The following NUSAP1 variants were observed in gnomAD, a reference collection of about 807,000 sequenced individuals.
NUSAP1 encodes the protein nucleolar and spindle associated protein 1.
A neutral mutation model predicts 52.8 loss-of-function variants in NUSAP1; 32 were observed. The observed-to-expected ratio is 0.61, with a 90% CI of 0.46 to 0.81. NUSAP1 has a LOEUF of 0.81. NUSAP1 is among the 40% of genes least tolerant of loss of function. The pLI is 0.00. For synonymous variants in NUSAP1, 195 were observed against 183.1 expected, an observed-to-expected ratio of 1.06 and a Z score of -0.52; for missense variants, 499 against 522.3, an observed-to-expected ratio of 0.96 and a Z score of 0.43.
chr15:41,375,565 C>T (rs2049893329), intron 8 of NUSAP1, 147 bp from the exon 9 acceptor site: 4 of 577,416 alleles, frequency 6.9e-6, no homozygotes, highest in Non-Finnish European at 1.3e-5. Context: ...CCCACCTCGG[C>T]CTCCCAAAGT....
intron 6 of NUSAP1, among the ~76,000 whole-genome samples, chr15:41,364,403 G>A (rs1164084769): frequency 6.6e-6 from 1 of 151,848 alleles, no homozygotes; most frequent in Non-Finnish European, 1.5e-5. Flanking sequence ...AAAATTAGTC[G>A]AGTGTGGTGG....
intron 2 of NUSAP1, among the ~76,000 whole-genome samples, chr15:41,347,025 A>T (rs901249906): frequency 4.6e-5 from 7 of 152,026 alleles, no homozygotes; most frequent in African/African-American, 1.7e-4. Flanking sequence ...TACAAAAATT[A>T]GCTGGGCATG....
intron 1 of NUSAP1, among the ~76,000 whole-genome samples, chr15:41,338,858 G>A (rs367575697): frequency 3.3e-5 from 5 of 151,796 alleles, no homozygotes; most frequent in Admixed American, 2.0e-4. Context: ...CCAACTACTC[G>A]GGAGGATGAG....
At chr15:41,378,754 G>C (rs1428477033) in intron 10 of NUSAP1, among the ~76,000 whole-genome samples, 1 of 151,766 alleles carries the variant, frequency 6.6e-6, no homozygotes, top group Non-Finnish European at 1.5e-5. Context: ...TGGGCAACAA[G>C]AGCAAAACTC....
chr15:41,351,512 A>G (rs1464964157), intron 4 of NUSAP1, among the ~76,000 whole-genome samples: 1 of 152,226 alleles, frequency 6.6e-6, no homozygotes. Context: ...TAGGCCAAGC[A>G]TAGTGGCTGG....
chr15:41,342,273 G>T, intron 1 of NUSAP1, 113 bp from the exon 2 acceptor site: 1 of 701,128 alleles, frequency 1.4e-6, no homozygotes, highest in East Asian at 2.8e-5. Context: ...AATGGTTCTA[G>T]TCCTATGGTC....
rs36124939 is a variant in NUSAP1, at chr15:41,349,234, A to G, written c.299A>G (p.Asp100Gly). ...RRCKTVRVDP[D>G]SQQNHSEIKI... ...TGCAAGACTGTCCGTGTGGACCCTG[A>G]CTCACAGGTGAATGGAAATATACAA... The change falls in exon 3 of 11, where the codon GAC becomes GGC. Residue 100 changes from aspartate (D) to glycine (G), a missense_variant. Physicochemically the swap from Asp to Gly is moderately conservative, Grantham distance 94. Transcript: ENST00000559596. The G allele has an allele frequency of 2.7e-3, 4,422 of 1,612,650 alleles. 123 individuals are homozygous for G. In the African/African-American group the frequency reaches 0.053, roughly 19 times the overall value.
At chr15:41,356,711 C>T (rs996189980) in intron 5 of NUSAP1, among the ~76,000 whole-genome samples, 2 of 152,152 alleles carry the variant, frequency 1.3e-5, no homozygotes, top group African/African-American at 4.8e-5. Flanking sequence ...TTTTCCACTA[C>T]TGCTTCCCTA....
chr15:41,374,826 C>CT (rs1377498799), intron 8 of NUSAP1, among the ~76,000 whole-genome samples: 2 of 151,294 alleles, frequency 1.3e-5, no homozygotes, highest in African/African-American at 4.8e-5. Context: ...CACCCAGCTT[C>CT]TTTTTTTTCT....
intron 4 of NUSAP1, among the ~76,000 whole-genome samples, chr15:41,351,513 T>C (rs2048778647): frequency 6.6e-6 from 1 of 152,202 alleles, no homozygotes; most frequent in South Asian, 2.1e-4. Context: ...AGGCCAAGCA[T>C]AGTGGCTGGT....
At chr15:41,338,682 GCAGTGGCTCATA>G (rs1253889560) in intron 1 of NUSAP1, among the ~76,000 whole-genome samples, 1 of 152,164 alleles carries the variant, frequency 6.6e-6, no homozygotes, top group Non-Finnish European at 1.5e-5. Context: ...GGCGCCAGGC[GCAGTGGCTCATA>G]CCTGTAATCC....
At chr15:41,354,238 G>T (rs1403857774) in intron 4 of NUSAP1, among the ~76,000 whole-genome samples, 1 of 152,170 alleles carries the variant, frequency 6.6e-6, no homozygotes, top group Non-Finnish European at 1.5e-5. Flanking sequence ...CAGGCGCAGT[G>T]GCTTACGCTT....
chr15:41,360,939 C>T (rs2049150810), intron 6 of NUSAP1, among the ~76,000 whole-genome samples: 1 of 151,472 alleles, frequency 6.6e-6, no homozygotes, highest in Non-Finnish European at 1.5e-5. Context: ...ACTAAAAATA[C>T]AAAAATTACC....
chr15:41,378,047 C>G (rs2050041489), intron 10 of NUSAP1, among the ~76,000 whole-genome samples: 1 of 152,014 alleles, frequency 6.6e-6, no homozygotes, highest in Non-Finnish European at 1.5e-5. Context: ...TGCCTAGGTT[C>G]CAGTGTAATG....
chr15:41,340,187 G>C (rs1029757107), intron 1 of NUSAP1, among the ~76,000 whole-genome samples: 13 of 152,014 alleles, frequency 8.6e-5, no homozygotes, highest in African/African-American at 3.1e-4. Context: ...TCTACCATAA[G>C]GGCAGTTTCT....
intron 8 of NUSAP1, among the ~76,000 whole-genome samples, chr15:41,373,062 G>T (rs1039215540): frequency 6.6e-6 from 1 of 151,904 alleles, no homozygotes. Context: ...ACTCCAGCCA[G>T]CCTGGGCAAC....
rs2049908095 is a variant in NUSAP1 at position 41,375,796 on chromosome 15, T to C, written c.1091T>C (p.Leu364Ser). The change falls in exon 9 of 11, where the codon TTG becomes TCG. Residue 364 changes from leucine (L) to serine (S), a missense_variant. Transcript: ENST00000559596. ...KKPVFDLKASLSRPLNYEPHK... is the reference protein window; with the variant it reads ...KKPVFDLKASSSRPLNYEPHK... ...CCAGTGTTTGATCTTAAAGCAAGTTTGTCTCGTCCCCTCAACTATGAACCA... is the reference window on the plus strand; with the variant it reads ...CCAGTGTTTGATCTTAAAGCAAGTTCGTCTCGTCCCCTCAACTATGAACCA... 3 of 1,613,606 alleles carry C rather than the reference T, an allele frequency of 1.9e-6. No homozygotes were observed. The highest frequency in any genetic ancestry group is 2.5e-6 in the Non-Finnish European group (3 of 1,179,534).
Position 41,356,105 on chromosome 15 carries a change from C to A in NUSAP1, c.515C>A (p.Pro172His), listed in dbSNP as rs2140679380. ...KSLYTDESSK[P>H]GKNKRTAITT... ...CTCTACACAGATGAGTCATCCAAAC[C>A]TGGAAAAAATAAAAGAACTGCAATC... Residue 172 changes from proline (P) to histidine (H), a missense_variant, in exon 5 of 11, where the codon CCT becomes CAT. Pro to His is a moderately conservative substitution (Grantham distance 77, BLOSUM62 -2). Coordinates refer to ENST00000559596, the MANE Select transcript of NUSAP1 (RefSeq NM_016359.5). 4 of 1,607,708 alleles carry A rather than the reference C, an allele frequency of 2.5e-6. No individual in the cohort carries two copies. In the East Asian group the frequency reaches 8.9e-5, roughly 36 times the overall value.
At chr15:41,371,852 C>A (rs1024925453) in intron 8 of NUSAP1, among the ~76,000 whole-genome samples, 168 bp downstream of exon 8, 2 of 151,964 alleles carry the variant, frequency 1.3e-5, no homozygotes, top group East Asian at 3.8e-4. Context: ...CTCACTGCAA[C>A]CTCTGCCTCC....
Sources: allele counts gnomAD v4.1 joint callset (sites outside exome capture counted in the v4.1 genomes callset), GRCh38; gene constraint gnomAD v4.1.1; transcripts MANE v1.5; gene names NCBI Gene and HGNC (gene_info 2026-07-23, HGNC 2026-07-21).